Variants in PRPH observed in about 807,000 individuals in gnomAD.
PRPH encodes peripherin, also known as neurofilament 4 (57kD).
PRPH carries 48 observed loss-of-function variants against 52.6 expected under a neutral mutation model. The ratio of observed to expected loss-of-function variants is 0.91; its 90% confidence interval spans 0.72 to 1.16. The LOEUF (loss-of-function observed/expected upper bound fraction) is 1.16, where lower values mean the gene tolerates loss of function less well. Ranked by LOEUF, PRPH falls within the 50% of genes most tolerant of loss-of-function variation. The pLI is 0.00. For synonymous variants in PRPH, 279 were observed against 283.8 expected (o/e 0.98, Z 0.17); for missense variants, 579 against 635.7 (o/e 0.91, Z 0.96).
Position 49,298,312 on chromosome 12 carries a change from C to T in PRPH, c.1372C>T (p.Gln458Ter). 6.2e-7 allele frequency: 1 copy of T among 1,614,194 alleles called. No individual in the cohort carries two copies. The highest frequency in any genetic ancestry group is 8.5e-7 in the Non-Finnish European group (1 of 1,180,034). ...GEVVTESQKE[Q>*]RSELDKSSAH... ...GGTGGTGACAGAGTCCCAGAAGGAGCAGCGCAGTGAGCTGGACAAGTCTTC... is the reference window on the plus strand; with the variant it reads ...GGTGGTGACAGAGTCCCAGAAGGAGTAGCGCAGTGAGCTGGACAAGTCTTC... Residue 458 changes from glutamine (Q) to a stop codon, truncating the protein, a stop_gained, in exon 9 of 9, where the codon CAG becomes TAG. Transcript: ENST00000257860. LOFTEE classifies it high-confidence loss of function.
At position 49,298,493 on chromosome 12, in the gene PRPH, C is replaced by A; in HGVS notation, c.*140C>A. On this transcript the variant is annotated 3_prime_UTR_variant, in exon 9 of 9. Transcript: ENST00000257860. The stretch of plus-strand genomic sequence containing the variant: ...ATCCCTTTCCTGGCTTATGGCCAAG[C>A]CCTACCCGGCCAGCAGTCGCTGGGC... 2 of 882,890 alleles carry A rather than the reference C, an allele frequency of 2.3e-6. No homozygotes were observed. The highest frequency in any genetic ancestry group is 2.7e-5 in the East Asian group (1 of 37,676). The allele number at this position is 882,890 out of a possible 1,614,324, so 54.7% of individuals were successfully genotyped here.
chr12:49,296,406 T>C lies in PRPH; in HGVS notation c.607-26T>C. On this transcript the variant is annotated intron_variant, in intron 2 of 8. Coordinates refer to ENST00000257860, the MANE Select transcript of PRPH (RefSeq NM_006262.4). The surrounding 1 kb of genome is among the most constrained non-coding windows in gnomAD (Gnocchi z 5.1). ...GGTCTGCGCAGCCCCTAACTTATCT[T>C]GAACCTCCACTGCCACCCCTCGAAG... 1 of 1,611,650 alleles carries C rather than the reference T, an allele frequency of 6.2e-7. No individual in the cohort carries two copies. The highest frequency in any genetic ancestry group is 8.5e-7 in the Non-Finnish European group (1 of 1,177,894).
chr12:49,296,828 A>G lies in PRPH; in HGVS notation c.703-61A>G. The G allele has an allele frequency of 6.4e-7, 1 of 1,562,498 alleles. No homozygotes were observed. Among genetic ancestry groups the G allele is most frequent in the Non-Finnish European group, 8.7e-7 (1 of 1,153,358 alleles). The stretch of plus-strand genomic sequence containing the variant: ...GCGTTTCTTCTCTTTTCTGTGCACG[A>G]ACTGCGTGGCCCGCGTGGAATTTGC... On this transcript the variant is annotated intron_variant, in intron 3 of 8. Coordinates refer to ENST00000257860, the MANE Select transcript of PRPH (RefSeq NM_006262.4). The surrounding 1 kb of genome is among the most constrained non-coding windows in gnomAD (Gnocchi z 5.1).
rs904807485 is a variant in PRPH at position 49,296,119 on chromosome 12, C to A, written c.546-59C>A. The A allele has an allele frequency of 7.1e-6, 11 of 1,558,724 alleles. No individual in the cohort carries two copies. The highest frequency in any genetic ancestry group is 1.1e-5 in the South Asian group (1 of 87,010). On this transcript the variant is annotated intron_variant, in intron 1 of 8. Coordinates refer to ENST00000257860, the MANE Select transcript of PRPH (RefSeq NM_006262.4). This position sits in a 1 kb window ranked among gnomAD's most constrained non-coding sequence, Gnocchi z 5.1. ...AACCGGATCCTGGGGGGCGTGCGGTCTGGGGTGCGAGCTGGGCGGCGACCC... is the reference window on the plus strand; with the variant it reads ...AACCGGATCCTGGGGGGCGTGCGGTATGGGGTGCGAGCTGGGCGGCGACCC...
intron 8 of PRPH, 78 bp from the exon 9 acceptor site, chr12:49,298,210 G>C: frequency 1.3e-6 from 2 of 1,571,926 alleles, no homozygotes; most frequent in Non-Finnish European, 1.7e-6. Context: ...CCAGGGAGTG[G>C]GGCTCTATGA....
chr12:49,295,696 C>G lies in PRPH; in HGVS notation c.496C>G (p.Gln166Glu). 6.5e-7 allele frequency: 1 copy of G among 1,531,066 alleles called. No homozygotes were observed. Among genetic ancestry groups the G allele is most frequent in the Non-Finnish European group, 8.7e-7 (1 of 1,143,396 alleles). The allele number at this position is 1,531,066 out of a possible 1,614,324, so 94.8% of individuals were successfully genotyped here. ...GTTGGGCCGCGAGCGTGACCGGGTGCAGGTGGAGCGCGACGGGCTGGCGGA... is the reference window on the plus strand; with the variant it reads ...GTTGGGCCGCGAGCGTGACCGGGTGGAGGTGGAGCGCGACGGGCTGGCGGA... ...ELLGRERDRV[Q>E]VERDGLAEDL... The change falls in exon 1 of 9, where the codon CAG becomes GAG. Residue 166 changes from glutamine to glutamate, a missense_variant. Physicochemically the swap from Gln to Glu is conservative, Grantham distance 29. Coordinates refer to ENST00000257860, the MANE Select transcript of PRPH (RefSeq NM_006262.4).
chr12:49,296,264 C>T lies in PRPH; in HGVS notation c.606+26C>T, dbSNP rs763843474. ...GTGAGTCCGAGCCCCTCTCCGAGTT[C>T]AGCCTCCCCACCGCTACCCCCGATC... On this transcript the variant is annotated intron_variant, in intron 2 of 8. Transcript: ENST00000257860. The surrounding 1 kb of genome is among the most constrained non-coding windows in gnomAD (Gnocchi z 5.1). 1.2e-6 allele frequency: 2 copies of T among 1,611,190 alleles called. No individual in the cohort carries two copies. The highest frequency in any genetic ancestry group is 1.7e-6 in the Non-Finnish European group (2 of 1,178,958).
Position 49,298,450 on chromosome 12 carries a change from T to A in PRPH, c.*97T>A. 7.4e-7 allele frequency: 1 copy of A among 1,349,908 alleles called. No homozygotes were observed. The highest frequency in any genetic ancestry group is 1.0e-6 in the Non-Finnish European group (1 of 955,134). 83.6% of individuals were successfully genotyped at this position (1,349,908 alleles called of 1,614,324 possible). A position where few individuals can be genotyped will look rare whatever the true frequency, so the allele number is the denominator to read the frequency against. On this transcript the variant is annotated 3_prime_UTR_variant, in exon 9 of 9. Coordinates refer to ENST00000257860, the MANE Select transcript of PRPH (RefSeq NM_006262.4). ...TGTCTCCTCTCCCTCTGCATGTGTC[T>A]AAAAGGTGGTACCAGGCATCCCTTT... is the stretch of plus-strand genomic sequence containing the variant.
In PRPH at chr12:49,296,138, G is replaced by T; in HGVS notation, c.546-40G>T. On this transcript the variant is annotated intron_variant, in intron 1 of 8. Coordinates refer to ENST00000257860, the MANE Select transcript of PRPH (RefSeq NM_006262.4). This position sits in a 1 kb window ranked among gnomAD's most constrained non-coding sequence, Gnocchi z 5.1. The stretch of plus-strand genomic sequence containing the variant: ...TGCGGTCTGGGGTGCGAGCTGGGCG[G>T]CGACCCCGCAGTTCAGCCTCTGCAC... 6.2e-7 allele frequency: 1 copy of T among 1,600,002 alleles called. No homozygotes were observed.
intron 8 of PRPH, 104 bp from the exon 9 acceptor site, chr12:49,298,184 G>T (rs1401399501): frequency 6.7e-7 from 1 of 1,497,640 alleles, no homozygotes. Flanking sequence ...ATAACCAGGA[G>T]CCTCTGCTGG....
At position 49,296,213 on chromosome 12, in the gene PRPH, A is replaced by C. The variant is rs748203416; in HGVS notation, c.581A>C (p.Glu194Ala). 4 of 1,613,160 alleles carry C rather than the reference A, an allele frequency of 2.5e-6. No individual in the cohort carries two copies. The highest frequency in any genetic ancestry group is 3.3e-5 in the Admixed American group (2 of 59,992). The stretch of plus-strand genomic sequence containing the variant: ...GAGACGCGCAAGCGGGAGGACGCGG[A>C]GCACAACCTCGTGCTCTTCCGCAAG... ...EEETRKREDAEHNLVLFRKDV... is the reference protein window; with the variant it reads ...EEETRKREDAAHNLVLFRKDV... Residue 194 changes from glutamate to alanine, a missense_variant, in exon 2 of 9, where the codon GAG becomes GCG. Transcript: ENST00000257860. This position sits in a 1 kb window ranked among gnomAD's most constrained non-coding sequence, Gnocchi z 5.1.
chr12:49,296,177 G>C lies in PRPH; in HGVS notation c.546-1G>C. ...CAGCCTCTGCACGCTCTTCCCGTCA[G>C]GTTGGAGGAGGAGACGCGCAAGCGG... is the stretch of plus-strand genomic sequence containing the variant. On this transcript the variant is annotated splice_acceptor_variant, in intron 1 of 8. Transcript: ENST00000257860. LOFTEE classifies it high-confidence loss of function. This position sits in a 1 kb window ranked among gnomAD's most constrained non-coding sequence, Gnocchi z 5.1. The C allele has an allele frequency of 6.2e-7, 1 of 1,612,044 alleles. No homozygotes were observed. The highest frequency in any genetic ancestry group is 1.1e-5 in the South Asian group (1 of 90,942).
At position 49,297,661 on chromosome 12, in the gene PRPH, C is replaced by A; in HGVS notation, c.1218-16C>A. ...GGGGCCTGGGCAGGGGCGCTGACAA[C>A]TTGCTTCGCCTCTAGGATCTCCGTG... On this transcript the variant is annotated splice_polypyrimidine_tract_variant and intron_variant, in intron 6 of 8. Transcript: ENST00000257860. This position sits in a 1 kb window ranked among gnomAD's most constrained non-coding sequence, Gnocchi z 4.4. The A allele has an allele frequency of 6.2e-7, 1 of 1,613,532 alleles. No homozygotes were observed.
Position 49,297,865 on chromosome 12 carries a change from C to T in PRPH, c.1268-93C>T, listed in dbSNP as rs942937063. On this transcript the variant is annotated intron_variant, in intron 7 of 8. Coordinates refer to ENST00000257860, the MANE Select transcript of PRPH (RefSeq NM_006262.4). This position sits in a 1 kb window ranked among gnomAD's most constrained non-coding sequence, Gnocchi z 4.4. Reference sequence around the variant, plus strand: ...TGTACCCACCCCTACTCCTCAAACCCGCCCCTCCCCTGCCCTCAGGGATAG... The same window carrying T: ...TGTACCCACCCCTACTCCTCAAACCTGCCCCTCCCCTGCCCTCAGGGATAG... 26 of 1,582,974 alleles carry T rather than the reference C, an allele frequency of 1.6e-5. No individual in the cohort carries two copies. In the East Asian group the frequency reaches 5.6e-4, roughly 34 times the overall value.
rs1290192141 is a variant in PRPH, at chr12:49,296,602, G to A, written c.702+75G>A. ...CGCTGGAGCTGGCGGGTGGAGCGGA[G>A]GCATCGCCCTGGGGATCAGGACGAT... On this transcript the variant is annotated intron_variant, in intron 3 of 8. Transcript: ENST00000257860. The surrounding 1 kb of genome is among the most constrained non-coding windows in gnomAD (Gnocchi z 5.1). 7.1e-6 allele frequency: 10 copies of A among 1,401,336 alleles called. No individual in the cohort carries two copies. Among genetic ancestry groups the A allele is most frequent in the East Asian group, 4.6e-5 (2 of 43,086 alleles). 86.8% of individuals were successfully genotyped at this position (1,401,336 alleles called of 1,614,324 possible). A position where few individuals can be genotyped will look rare whatever the true frequency, so the allele number is the denominator to read the frequency against.
Position 49,296,565 on chromosome 12 carries a change from G to C in PRPH, c.702+38G>C. The C allele has an allele frequency of 6.3e-7, 1 of 1,588,780 alleles. No individual in the cohort carries two copies. Among genetic ancestry groups the C allele is most frequent in the East Asian group, 2.2e-5 (1 of 44,716 alleles). ...GGTATCAGGGGCGGTTTCTGAGGTT[G>C]TGGGGTGGTCTCGCTGGAGCTGGCG... On this transcript the variant is annotated intron_variant, in intron 3 of 8. Transcript: ENST00000257860. The surrounding 1 kb of genome is among the most constrained non-coding windows in gnomAD (Gnocchi z 5.1).
In PRPH at chr12:49,297,946, T is replaced by C; in HGVS notation, c.1268-12T>C. 1 of 1,613,960 alleles carries C rather than the reference T, an allele frequency of 6.2e-7. No homozygotes were observed. Among genetic ancestry groups the C allele is most frequent in the Non-Finnish European group, 8.5e-7 (1 of 1,179,912 alleles). On this transcript the variant is annotated splice_polypyrimidine_tract_variant and intron_variant, in intron 7 of 8. Transcript: ENST00000257860. This position sits in a 1 kb window ranked among gnomAD's most constrained non-coding sequence, Gnocchi z 4.4. ...GCCTTCCCCCTTGAACCCTTTATCC[T>C]GCTTTCTTCAGTGCCTGAGGTGGAG...
In PRPH at chr12:49,297,889, A is replaced by G; in HGVS notation, c.1268-69A>G. ...CCGCCCCTCCCCTGCCCTCAGGGATAGCAGTGGGAGCCTAAGAGGAGAGAT... is the reference window on the plus strand; with the variant it reads ...CCGCCCCTCCCCTGCCCTCAGGGATGGCAGTGGGAGCCTAAGAGGAGAGAT... On this transcript the variant is annotated intron_variant, in intron 7 of 8. Coordinates refer to ENST00000257860, the MANE Select transcript of PRPH (RefSeq NM_006262.4). This position sits in a 1 kb window ranked among gnomAD's most constrained non-coding sequence, Gnocchi z 4.4. 1 of 1,585,262 alleles carries G rather than the reference A, an allele frequency of 6.3e-7. No individual in the cohort carries two copies. The highest frequency in any genetic ancestry group is 8.7e-7 in the Non-Finnish European group (1 of 1,154,062).
In PRPH at chr12:49,297,392, G is replaced by C; in HGVS notation, c.1032G>C (p.Glu344Asp). The C allele has an allele frequency of 6.2e-7, 1 of 1,613,566 alleles. No homozygotes were observed. The highest frequency in any genetic ancestry group is 1.1e-5 in the South Asian group (1 of 91,082). ...TGCTCAGGCAGTTGAGAGAGCTGGA[G>C]GAGCAGTTCGCCCTGGAGGCGGGGG... ...EALLRQLREL[E>D]EQFALEAGGY... Residue 344 changes from glutamate to aspartate, a missense_variant, in exon 6 of 9, where the codon GAG becomes GAC. By Grantham distance (45) the Glu-to-Asp change is conservative. Transcript: ENST00000257860. The surrounding 1 kb of genome is among the most constrained non-coding windows in gnomAD (Gnocchi z 4.4).
Sources: gnomAD v4.1 joint callset for allele counts on GRCh38, gnomAD v4.1.1 for gene constraint, Gnocchi (gnomAD v3.1) non-coding constraint, MANE v1.5 for transcripts, NCBI Gene and HGNC (gene_info 2026-07-23, HGNC 2026-07-21) for gene names.